The following KDM3B variants were observed in gnomAD, a reference collection of about 807,000 sequenced individuals.
KDM3B encodes the protein lysine demethylase 3B.
A neutral mutation model predicts 170.0 loss-of-function variants in KDM3B; 10 were observed. The observed-to-expected ratio is 0.06, with a 90% confidence interval of 0.04 to 0.10. The LOEUF (loss-of-function observed/expected upper bound fraction) is 0.10. Among genes scored for constraint, KDM3B ranks in the 10% least tolerant of loss-of-function variants. KDM3B has a pLI of 1.00. For missense variants in KDM3B, 1,394 were observed against 2,195.2 expected, an observed-to-expected ratio of 0.64 and a Z score of 7.29; for synonymous variants, 831 against 834.8, an observed-to-expected ratio of 1.00 and a Z score of 0.08.
intron 23 of KDM3B, 101 bp downstream of exon 23, chr5:138,431,660 T>C: frequency 9.2e-7 from 1 of 1,089,794 alleles, no homozygotes; most frequent in Non-Finnish European, 1.2e-6. Flanking sequence ...TCTCCGAAGG[T>C]CTAATTGTGG....
chr5:138,394,662 G>A (rs557559344), intron 9 of KDM3B, among the ~76,000 whole-genome samples: 11 of 152,242 alleles, frequency 7.2e-5, no homozygotes, highest in African/African-American at 2.6e-4. Context: ...TGAGGTGAAT[G>A]AGTTAATGAT....
At chr5:138,410,839 G>A (rs543840159) in intron 11 of KDM3B, among the ~76,000 whole-genome samples, 18 of 152,328 alleles carry the variant, frequency 1.2e-4, no homozygotes, top group East Asian at 5.8e-4. Context: ...GACAGCTTAC[G>A]CCATTATTTC....
intron 12 of KDM3B, among the ~76,000 whole-genome samples, chr5:138,417,004 A>G (rs112679362): frequency 5.9e-5 from 9 of 152,176 alleles, no homozygotes; most frequent in African/African-American, 1.7e-4. Context: ...TATTTTTAGT[A>G]GAGATGGGGT....
At chr5:138,399,113 C>T (rs955067646) in intron 10 of KDM3B, among the ~76,000 whole-genome samples, 14 of 151,476 alleles carry the variant, frequency 9.2e-5, no homozygotes, top group African/African-American at 3.4e-4. Context: ...TGGTCTCGAT[C>T]TCCTGACCTC....
intron 7 of KDM3B, among the ~76,000 whole-genome samples, 198 bp downstream of exon 7, chr5:138,386,819 A>G (rs537624558): frequency 4.6e-5 from 7 of 152,338 alleles, no homozygotes; most frequent in African/African-American, 1.7e-4. Context: ...CTTAAAAGGC[A>G]CCAGAACAGT....
At position 138,391,862 on chromosome 5, in the gene KDM3B, A is replaced by G; in HGVS notation, c.2230A>G (p.Ser744Gly). 6.2e-7 allele frequency: 1 copy of G among 1,614,036 alleles called. No individual in the cohort carries two copies. The highest frequency in any genetic ancestry group is 8.5e-7 in the Non-Finnish European group (1 of 1,180,014). ...QPIEMPTLSSSPTEERPTVGP... is the reference protein window; with the variant it reads ...QPIEMPTLSSGPTEERPTVGP... Reference sequence around the variant, plus strand: ...CATTGAGATGCCAACTCTCTCCTCTAGCCCCACAGAGGAGAGGCCAACTGT... The same window carrying G: ...CATTGAGATGCCAACTCTCTCCTCTGGCCCCACAGAGGAGAGGCCAACTGT... The change falls in exon 8 of 24, where the codon AGC (serine) becomes GGC (glycine). Residue 744 changes from serine (S) to glycine (G), a missense_variant. Around this residue, in one of 19 missense-constraint regions of KDM3B, gnomAD observed 294 missense variants for 311.7 expected, o/e 0.94. Coordinates refer to ENST00000314358, the MANE Select transcript of KDM3B (RefSeq NM_016604.4). This position sits in a 1 kb window ranked among gnomAD's most constrained non-coding sequence, Gnocchi z 5.0.
chr5:138,430,343 A>G lies in KDM3B; in HGVS notation c.4988A>G (p.Tyr1663Cys). 6 of 1,614,134 alleles carry G rather than the reference A, an allele frequency of 3.7e-6. No homozygotes were observed. Among genetic ancestry groups the G allele is most frequent in the Non-Finnish European group, 5.1e-6 (6 of 1,180,014 alleles). Residue 1663 changes from tyrosine (Y) to cysteine (C), a missense_variant, in exon 22 of 24, where the codon TAT (tyrosine) becomes TGT (cysteine). By Grantham distance (194) the Tyr-to-Cys change is radical. This residue lies in a region of KDM3B where 79 missense variants were observed against 270.5 expected (regional missense o/e 0.29). Coordinates refer to ENST00000314358, the MANE Select transcript of KDM3B (RefSeq NM_016604.4). ...YLDQTLRKRLYEEYGVQGWAI... is the reference protein window; with the variant it reads ...YLDQTLRKRLCEEYGVQGWAI... The stretch of plus-strand genomic sequence containing the variant: ...GACCAGACCCTCCGTAAGCGACTCT[A>G]TGAGGAGTATGGCGTGCAAGGCTGG...
At chr5:138,417,866 A>G (rs930579845) in intron 13 of KDM3B, 11 of 365,044 alleles carry the variant, frequency 3.0e-5, no homozygotes, top group South Asian at 1.3e-4. Context: ...CATCTTGTCA[A>G]GATACATACC....
At chr5:138,424,011 G>A in intron 15 of KDM3B, 64 bp from the exon 16 acceptor site, 1 of 1,474,838 alleles carries the variant, frequency 6.8e-7, no homozygotes, top group Non-Finnish European at 9.0e-7. Flanking sequence ...TTGTGAGACA[G>A]TTTTTTGAAT....
At chr5:138,372,070 G>A (rs971481085) in intron 1 of KDM3B, among the ~76,000 whole-genome samples, 49 of 152,210 alleles carry the variant, frequency 3.2e-4, no homozygotes, top group Admixed American at 2.0e-4. Flanking sequence ...CTGAGATCAC[G>A]CCATTTCACT....
At chr5:138,373,146 C>G (rs546683818) in intron 2 of KDM3B, among the ~76,000 whole-genome samples, 1 of 152,142 alleles carries the variant, frequency 6.6e-6, no homozygotes, top group Admixed American at 6.5e-5. Flanking sequence ...TTGAGATCAC[C>G]CTGGGTAACA....
chr5:138,403,561 C>T (rs1173412385), intron 11 of KDM3B, among the ~76,000 whole-genome samples: 1 of 151,782 alleles, frequency 6.6e-6, no homozygotes, highest in East Asian at 1.9e-4. Flanking sequence ...CCTGTAATCC[C>T]AGCTACTCGG....
chr5:138,358,101 G>A lies in KDM3B; in HGVS notation c.192+5114G>A, dbSNP rs936871251. Among the ~76,000 whole-genome samples the A allele has an allele frequency of 1.3e-4, 20 of 151,600 alleles. 1 individual carries two copies. Among genetic ancestry groups the A allele is most frequent in the Admixed American group, 7.9e-4 (12 of 15,164 alleles). ...CAACCTCTGCCTCCTGGGTTCAAGC[G>A]ATTCTCCTGCCTCAGCCTCGCAAGT... On this transcript the variant is annotated intron_variant, in intron 1 of 23. Coordinates refer to ENST00000314358, the MANE Select transcript of KDM3B (RefSeq NM_016604.4).
At chr5:138,401,270 CAAA>C (rs555563348) in intron 11 of KDM3B, among the ~76,000 whole-genome samples, 10 of 132,564 alleles carry the variant, frequency 7.5e-5, no homozygotes, top group African/African-American at 2.9e-4. Flanking sequence ...GACTTCATCT[CAAA>C]AAAAAAAAAA....
intron 9 of KDM3B, among the ~76,000 whole-genome samples, chr5:138,393,927 T>G (rs1353295625): frequency 6.6e-6 from 1 of 152,106 alleles, no homozygotes; most frequent in Non-Finnish European, 1.5e-5. Flanking sequence ...AATCTTTAAT[T>G]TTTAAAGTAA....
At chr5:138,389,782 C>CTGTGTG (rs148405512) in intron 7 of KDM3B, among the ~76,000 whole-genome samples, 30,913 of 143,242 alleles carry the variant, frequency 0.22, 3,609 homozygotes, top group East Asian at 0.48. Context: ...CTCTCTCTCT[C>CTGTGTG]TGTGTGTGTG....
At chr5:138,416,982 A>T (rs1454095604) in intron 12 of KDM3B, among the ~76,000 whole-genome samples, 1 of 152,060 alleles carries the variant, frequency 6.6e-6, no homozygotes, top group East Asian at 1.9e-4. Context: ...CATCATGCCC[A>T]GCTAATTTTT....
intron 6 of KDM3B, among the ~76,000 whole-genome samples, chr5:138,384,114 C>T (rs1326290687): frequency 1.3e-5 from 2 of 151,306 alleles, no homozygotes; most frequent in Admixed American, 6.6e-5. Flanking sequence ...GGCGCGGTGG[C>T]GGGCACCTGT....
chr5:138,392,277 CTA>C lies in KDM3B; in HGVS notation c.2629+20_2629+21del, dbSNP rs747494633. On this transcript the variant is annotated intron_variant, in intron 8 of 23. Coordinates refer to ENST00000314358, the MANE Select transcript of KDM3B (RefSeq NM_016604.4). ...CCCCTGAAAGGTGATCCTGCTGGGG[CTA>C]TATTTGGGCTTTGCTCTGGCACTGG... is the stretch of plus-strand genomic sequence containing the variant. The C allele has an allele frequency of 6.8e-7, 1 of 1,475,502 alleles. No homozygotes were observed. The highest frequency in any genetic ancestry group is 9.0e-7 in the Non-Finnish European group (1 of 1,110,414). The allele number at this position is 1,475,502 out of a possible 1,614,324, so 91.4% of individuals were successfully genotyped here. A position where few individuals can be genotyped will look rare whatever the true frequency, so the allele number is the denominator to read the frequency against.
Sources: gnomAD v4.1 joint callset for allele counts (sites outside exome capture counted in the v4.1 genomes callset) on GRCh38, gnomAD v4.1.1 for gene constraint, gnomAD v4.1.1 regional missense constraint, Gnocchi (gnomAD v3.1) non-coding constraint, MANE v1.5 for transcripts, NCBI Gene and HGNC (gene_info 2026-07-23, HGNC 2026-07-21) for gene names.